Variants in PARVA observed in about 807,000 individuals in gnomAD.
PARVA encodes the protein parvin alpha, also known as alpha-parvin.
A neutral mutation model predicts 52.6 loss-of-function variants in PARVA; 25 were observed. That is an observed-to-expected ratio of 0.48 (90% CI 0.35 to 0.66). The LOEUF (loss-of-function observed/expected upper bound fraction) is 0.66. Among genes scored for constraint, PARVA ranks in the 30% least tolerant of loss-of-function variants. PARVA has a pLI of 0.01. For synonymous variants in PARVA, 185 were observed against 179.1 expected, an observed-to-expected ratio of 1.03 and a Z score of -0.26; for missense variants, 373 against 450.9, an observed-to-expected ratio of 0.83 and a Z score of 1.56.
chr11:12,442,791 G>GC (rs1940485701), intron 1 of PARVA, among the ~76,000 whole-genome samples: 1 of 151,962 alleles, frequency 6.6e-6, no homozygotes, highest in Non-Finnish European at 1.5e-5. Context: ...TGACATAAGG[G>GC]CAGTTTCCAA....
At chr11:12,382,210 C>A (rs1488521300) in intron 1 of PARVA, among the ~76,000 whole-genome samples, 1 of 152,182 alleles carries the variant, frequency 6.6e-6, no homozygotes, top group East Asian at 1.9e-4. Flanking sequence ...GTTTACATTT[C>A]TCTCATCTGC....
chr11:12,515,554 G>T (rs1447929298), intron 10 of PARVA, among the ~76,000 whole-genome samples: 1 of 152,204 alleles, frequency 6.6e-6, no homozygotes, highest in Non-Finnish European at 1.5e-5. Context: ...TACCAAGTCA[G>T]TGGAACCAGC....
At chr11:12,502,411 T>A (rs1941373966) in intron 5 of PARVA, among the ~76,000 whole-genome samples, 1 of 81,110 alleles carries the variant, frequency 1.2e-5, no homozygotes, top group Non-Finnish European at 3.1e-5. Flanking sequence ...AAAATAGGCA[T>A]TTTTTTTTTG....
intron 9 of PARVA, chr11:12,513,748 C>T (rs1353765345): frequency 2.4e-5 from 14 of 591,532 alleles, no homozygotes; most frequent in Non-Finnish European, 2.4e-5. Context: ...CTCCACCTAT[C>T]ATTCTGCCTC....
chr11:12,395,751 A>G (rs1193868875), intron 1 of PARVA, among the ~76,000 whole-genome samples: 1 of 152,176 alleles, frequency 6.6e-6, no homozygotes, highest in African/African-American at 2.4e-5. Flanking sequence ...CTCCACCTAA[A>G]ATCAACAGCC....
At chr11:12,415,909 C>G (rs1009784689) in intron 1 of PARVA, among the ~76,000 whole-genome samples, 2 of 152,232 alleles carry the variant, frequency 1.3e-5, no homozygotes, top group African/African-American at 4.8e-5. Flanking sequence ...GCATAGCCCC[C>G]TGGATCTTGG....
Position 12,473,756 on chromosome 11 carries a change from C to G in PARVA, c.148C>G (p.Gln50Glu). The stretch of plus-strand genomic sequence containing the variant: ...TCCTTTTCTTCCAGTGTCCGAGCTG[C>G]AGGAGGAGGGAATGAACGCCATCAA... ...RKKAKEVSELQEEGMNAINLP... is the reference protein window; with the variant it reads ...RKKAKEVSELEEEGMNAINLP... The change falls in exon 2 of 13, where the codon CAG becomes GAG. Residue 50 changes from glutamine (Q) to glutamate (E), a missense_variant. Physicochemically the swap from Gln to Glu is conservative, Grantham distance 29. Coordinates refer to ENST00000334956, the MANE Select transcript of PARVA (RefSeq NM_018222.5). 6.4e-7 allele frequency: 1 copy of G among 1,563,960 alleles called. No homozygotes were observed. The highest frequency in any genetic ancestry group is 8.7e-7 in the Non-Finnish European group (1 of 1,153,302).
chr11:12,469,510 C>T (rs77169412), intron 1 of PARVA, among the ~76,000 whole-genome samples: 15,967 of 152,142 alleles, frequency 0.1, 910 homozygotes, highest in Middle Eastern at 0.2. Context: ...TCTTTCAGTG[C>T]GTGAGGATTG....
Position 12,443,169 on chromosome 11 carries a change from CTTTTTTTTT to C in PARVA, c.137-30563_137-30555del, listed in dbSNP as rs1180380526. ...AGCCACCATGCCCGGCGCCCCCCTTCTTTTTTTTTTTTTTTTTTTTTGAGATGGAGTCTC... is the reference window on the plus strand; with the variant it reads ...AGCCACCATGCCCGGCGCCCCCCTTCTTTTTTTTTTTTGAGATGGAGTCTC... On this transcript the variant is annotated intron_variant, in intron 1 of 12. Transcript: ENST00000334956. Among the ~76,000 whole-genome samples the C allele has an allele frequency of 3.8e-5, 3 of 78,328 alleles. 1 individual carries two copies. Among genetic ancestry groups the C allele is most frequent in the South Asian group, 1.1e-3 (2 of 1,848 alleles). The allele number at this position is 78,328 out of a possible 152,430, so 51.4% of individuals were successfully genotyped here.
chr11:12,480,127 G>T (rs1442553513), intron 4 of PARVA: 1 of 151,706 alleles, frequency 6.6e-6, no homozygotes. Flanking sequence ...GGGACGCTGA[G>T]GCAGGAGAAT....
At chr11:12,495,224 G>A (rs1186830721) in intron 4 of PARVA, among the ~76,000 whole-genome samples, 2 of 152,142 alleles carry the variant, frequency 1.3e-5, no homozygotes, top group African/African-American at 4.8e-5. Context: ...GCCATCACAG[G>A]TAAGAATAGC....
intron 1 of PARVA, among the ~76,000 whole-genome samples, chr11:12,435,932 C>A (rs529606030): frequency 1.3e-5 from 2 of 152,240 alleles, no homozygotes; most frequent in South Asian, 4.2e-4. Context: ...TCCGGATTCA[C>A]CTGCCTCAGC....
At chr11:12,386,695 C>T (rs1274293570) in intron 1 of PARVA, among the ~76,000 whole-genome samples, 1 of 152,228 alleles carries the variant, frequency 6.6e-6, no homozygotes, top group Non-Finnish European at 1.5e-5. Context: ...AGACAGATCT[C>T]TTCCCCTTTT....
At chr11:12,519,799 T>G (rs939609905) in intron 12 of PARVA, among the ~76,000 whole-genome samples, 2 of 152,200 alleles carry the variant, frequency 1.3e-5, no homozygotes, top group Admixed American at 6.5e-5. Flanking sequence ...CACCTTGTCC[T>G]AAGCCCCTGG....
chr11:12,438,166 A>G (rs565353627), intron 1 of PARVA, among the ~76,000 whole-genome samples: 1 of 151,738 alleles, frequency 6.6e-6, no homozygotes, highest in South Asian at 2.1e-4. Context: ...AGGCTGAGGC[A>G]GGAGAATGGT....
chr11:12,437,540 C>T (rs1403734893), intron 1 of PARVA, among the ~76,000 whole-genome samples: 1 of 152,242 alleles, frequency 6.6e-6, no homozygotes, highest in African/African-American at 2.4e-5. Flanking sequence ...CTCTTCATCT[C>T]TATATCCACT....
intron 1 of PARVA, among the ~76,000 whole-genome samples, chr11:12,405,063 T>C (rs1259303906): frequency 6.6e-6 from 1 of 152,174 alleles, no homozygotes; most frequent in African/African-American, 2.4e-5. Flanking sequence ...TCCTCATTTA[T>C]AAAACAGATA....
At chr11:12,379,420 T>G (rs1446377952) in intron 1 of PARVA, among the ~76,000 whole-genome samples, 1 of 152,182 alleles carries the variant, frequency 6.6e-6, no homozygotes, top group Non-Finnish European at 1.5e-5. Context: ...ACGTTAAAGA[T>G]TTGTCTTTTC....
intron 4 of PARVA, 119 bp from the exon 5 acceptor site, chr11:12,496,339 G>C: frequency 2.5e-6 from 1 of 396,220 alleles, no homozygotes; most frequent in Non-Finnish European, 3.7e-6. Flanking sequence ...AGTATCTATT[G>C]TTGCAAGAGT....
Sources: gnomAD v4.1 joint callset for allele counts (sites outside exome capture counted in the v4.1 genomes callset) on GRCh38, gnomAD v4.1.1 for gene constraint, MANE v1.5 for transcripts, NCBI Gene and HGNC (gene_info 2026-07-23, HGNC 2026-07-21) for gene names.